COL20A1: variants seen among roughly 807,000 people sequenced by gnomAD.
COL20A1 encodes the protein collagen alpha-1(XX) chain.
A neutral mutation model predicts 152.9 loss-of-function variants in COL20A1; 164 were observed. The ratio of observed to expected loss-of-function variants is 1.07; its 90% confidence interval spans 0.94 to 1.22. The LOEUF (loss-of-function observed/expected upper bound fraction) is 1.22. Ranked by LOEUF, COL20A1 falls within the 50% of genes most tolerant of loss-of-function variation. COL20A1 has a pLI of 0.00. For synonymous variants in COL20A1, 864 were observed against 756.0 expected, an observed-to-expected ratio of 1.14 and a Z score of -2.34; for missense variants, 1,873 against 1,744.8, an observed-to-expected ratio of 1.07 and a Z score of -1.31.
chr20:63,298,045 C>T (rs2067821427), intron 3 of COL20A1, 25 bp downstream of exon 3: 3 of 1,534,384 alleles, frequency 2.0e-6, no homozygotes, highest in South Asian at 1.1e-5. Context: ...CTCCCAGGCC[C>T]CCTTCCCCAT....
intron 6 of COL20A1, 119 bp from the exon 7 acceptor site, chr20:63,307,852 C>A: frequency 7.6e-7 from 1 of 1,312,792 alleles, no homozygotes; most frequent in Non-Finnish European, 1.1e-6. Flanking sequence ...TGGGGACTGG[C>A]TACTGTGGCC....
rs753653751 is a variant in COL20A1, at chr20:63,295,174, A to G, written c.67A>G (p.Arg23Gly). Residue 23 changes from arginine to glycine, a missense_variant, in exon 2 of 36, where the codon AGA becomes GGA. Physicochemically the swap from Arg to Gly is moderately radical, Grantham distance 125. Coordinates refer to ENST00000358894, the MANE Select transcript of COL20A1 (RefSeq NM_020882.4). Reference protein sequence around the residue: ...LWLWLGATLGREQVQASGLLR... With the variant: ...LWLWLGATLGGEQVQASGLLR... ...GCTGTGGCTGGGCGCCACCCTGGGA[A>G]GAGAGCAAGTTCAAGGTAAGGACAC... is the stretch of plus-strand genomic sequence containing the variant. 3 of 1,554,240 alleles carry G rather than the reference A, an allele frequency of 1.9e-6. No homozygotes were observed. Among genetic ancestry groups the G allele is most frequent in the Admixed American group, 1.9e-5 (1 of 51,554 alleles).
chr20:63,309,592 G>T (rs2067977143), intron 9 of COL20A1, 95 bp downstream of exon 9: 2 of 1,317,212 alleles, frequency 1.5e-6, no homozygotes, highest in African/African-American at 1.5e-5. Context: ...GGTACCTGAG[G>T]CCGGCTCCTG....
rs1308167422 is a variant in COL20A1 at position 63,312,943 on chromosome 20, G to C, written c.2076+9G>C. The C allele has an allele frequency of 3.9e-6, 6 of 1,542,682 alleles. No homozygotes were observed. The African/African-American group carries it at 4.1e-5, about 11-fold the overall frequency. ...AGGGGAAGGCTCACGAGGTGGGCAG[G>C]GGTGGGTTTGTCCTTCCGAGGGGCC... On this transcript the variant is annotated intron_variant, in intron 16 of 35. Transcript: ENST00000358894.
intron 35 of COL20A1, 144 bp downstream of exon 35, chr20:63,329,805 C>A (rs1322356184): frequency 2.1e-5 from 13 of 623,894 alleles, no homozygotes; most frequent in Non-Finnish European, 3.6e-5. Flanking sequence ...GGCGAGGTGG[C>A]CCTGGGGAAA....
At position 63,316,558 on chromosome 20, in the gene COL20A1, G is replaced by A; in HGVS notation, c.2530G>A (p.Asp844Asn). ...TCCCCCACCATCTTCCCCAGGGTTT[G>A]ACCTGATGGTGGCCTTCAGCCTGGT... The part of the protein sequence containing the change: ...LRPDGSLPGF[D>N]LMVAFSLVEK... The change falls in exon 21 of 36, where the codon GAC (aspartate) becomes AAC (asparagine). Residue 844 changes from aspartate to asparagine, a missense_variant. Coordinates refer to ENST00000358894, the MANE Select transcript of COL20A1 (RefSeq NM_020882.4). 1 of 1,590,416 alleles carries A rather than the reference G, an allele frequency of 6.3e-7. No homozygotes were observed.
chr20:63,297,809 G>A (rs2067817348), intron 2 of COL20A1, 101 bp from the exon 3 acceptor site: 2 of 887,282 alleles, frequency 2.3e-6, no homozygotes, highest in African/African-American at 3.3e-5. Flanking sequence ...ATAGGACTGT[G>A]TTCCTCCCAA....
Position 63,310,509 on chromosome 20 carries a change from A to C in COL20A1, c.1392A>C (p.Thr464=). 6.3e-7 allele frequency: 1 copy of C among 1,593,200 alleles called. No individual in the cohort carries two copies. Among genetic ancestry groups the C allele is most frequent in the Non-Finnish European group, 8.5e-7 (1 of 1,170,394 alleles). Reference sequence around the variant, plus strand: ...AAGGCCTGCGGGGCCTGGTGACCACAGGTAGGTGGGGCAGAGGCAGCGGCC... The same window carrying C: ...AAGGCCTGCGGGGCCTGGTGACCACCGGTAGGTGGGGCAGAGGCAGCGGCC... ...VGEGLRGLVT[T]APLPPPRALT... is the part of the protein sequence containing the mutation. The change falls in exon 11 of 36, where the codon ACA becomes ACC. Residue 464 remains threonine (T), a splice_region_variant and synonymous_variant. Transcript: ENST00000358894.
In COL20A1 at chr20:63,309,434, G is replaced by A; in HGVS notation, c.1042G>A (p.Ala348Thr). Residue 348 changes from alanine to threonine, a missense_variant, in exon 9 of 36, where the codon GCT becomes ACT. By Grantham distance (58) the Ala-to-Thr change is moderately conservative. Transcript: ENST00000358894. ...GGACTTCCTGCAGCTCGGCGCGCTG[G>A]CTGGCCTGCTCAGCCGTCTCATCTG... ...VLDFLQLGAL[A>T]GLLSRLICQR... The A allele has an allele frequency of 6.5e-7, 1 of 1,545,426 alleles. No homozygotes were observed. The highest frequency in any genetic ancestry group is 8.7e-7 in the Non-Finnish European group (1 of 1,143,410).
At position 63,328,515 on chromosome 20, in the gene COL20A1, T is replaced by G; in HGVS notation, c.3781+17T>G. On this transcript the variant is annotated intron_variant, in intron 34 of 35. Coordinates refer to ENST00000358894, the MANE Select transcript of COL20A1 (RefSeq NM_020882.4). ...AGGGCAGAGGTACTGGGCTCCTGGC[T>G]CTTGGGGAGGGAGTTGTGGCCGGTG... 1 of 1,596,326 alleles carries G rather than the reference T, an allele frequency of 6.3e-7. No homozygotes were observed. Among genetic ancestry groups the G allele is most frequent in the Non-Finnish European group, 8.5e-7 (1 of 1,170,416 alleles).
rs780856429 is a variant in COL20A1, at chr20:63,309,484, G to C, written c.1092G>C (p.Pro364=). The C allele has an allele frequency of 6.6e-7, 1 of 1,522,008 alleles. No homozygotes were observed. The highest frequency in any genetic ancestry group is 2.1e-5 in the Admixed American group (1 of 47,816). The allele number at this position is 1,522,008 out of a possible 1,614,324, so 94.3% of individuals were successfully genotyped here. Residue 364 remains proline, a synonymous_variant, in exon 9 of 36, where the codon CCG becomes CCC. Transcript: ENST00000358894. ...LICQRLQGGS[P]RQGPAAAPAL... ...GCCAGAGGCTCCAGGGTGGGAGCCC[G>C]CGGCAGGGCCCAGGTGAGGGGCAGG... is the stretch of plus-strand genomic sequence containing the variant.
Position 63,332,784 on chromosome 20 carries a change from A to G in COL20A1, c.*2068A>G, listed in dbSNP as rs969377803. 6.6e-6 allele frequency: 1 copy of G among 152,298 alleles called. No homozygotes were observed. Among genetic ancestry groups the G allele is most frequent in the African/African-American group, 2.4e-5 (1 of 41,458 alleles). 9.4% of individuals were successfully genotyped at this position (152,298 alleles called of 1,614,324 possible). A position where few individuals can be genotyped will look rare whatever the true frequency, so the allele number is the denominator to read the frequency against. On this transcript the variant is annotated 3_prime_UTR_variant, in exon 36 of 36. Coordinates refer to ENST00000358894, the MANE Select transcript of COL20A1 (RefSeq NM_020882.4). ...TGGAGGCCAATTAAAATGGCACAGC[A>G]AAGGCAGCGGCCAGCTGGTGCCCAG...
At chr20:63,308,881 G>GT (rs2067966377) in intron 8 of COL20A1, among the ~76,000 whole-genome samples, 175 bp downstream of exon 8, 1 of 152,186 alleles carries the variant, frequency 6.6e-6, no homozygotes. Flanking sequence ...GGCACAGGCG[G>GT]GCTGCTCCTT....
At chr20:63,308,729 G>A (rs370864657) in intron 8 of COL20A1, 23 bp downstream of exon 8, 260 of 1,556,728 alleles carry the variant, frequency 1.7e-4, no homozygotes, top group Middle Eastern at 5.1e-4. Context: ...CGGCTCCCCC[G>A]GCCCTGGAGT....
At chr20:63,310,059 G>A in intron 10 of COL20A1, 144 bp downstream of exon 10, 3 of 838,454 alleles carry the variant, frequency 3.6e-6, no homozygotes, top group Non-Finnish European at 5.4e-6. Context: ...ACAGCCCAGG[G>A]ACTCACTGGG....
chr20:63,300,359 G>A (rs2067849649), intron 3 of COL20A1, among the ~76,000 whole-genome samples: 1 of 152,242 alleles, frequency 6.6e-6, no homozygotes, highest in Non-Finnish European at 1.5e-5. Flanking sequence ...GTGTATGTGT[G>A]TAAATACTTC....
rs1440298867 is a variant in COL20A1 at position 63,305,341 on chromosome 20, G to A, written c.194-76G>A. 1.6e-6 allele frequency: 2 copies of A among 1,258,670 alleles called. No individual in the cohort carries two copies. Among genetic ancestry groups the A allele is most frequent in the Non-Finnish European group, 2.1e-6 (2 of 968,142 alleles). The allele number at this position is 1,258,670 out of a possible 1,614,324, so 78.0% of individuals were successfully genotyped here. The stretch of plus-strand genomic sequence containing the variant: ...CTGGGGTGGGGAGGAGGAGCCAAGA[G>A]GGTTTCACTCCCCGCCGTGACAGAT... On this transcript the variant is annotated intron_variant, in intron 3 of 35. Transcript: ENST00000358894. The surrounding 1 kb of genome is among the most constrained non-coding windows in gnomAD (Gnocchi z 4.9).
At chr20:63,323,327 C>T (rs1290379013) in intron 27 of COL20A1, among the ~76,000 whole-genome samples, 2 of 152,214 alleles carry the variant, frequency 1.3e-5, no homozygotes. Context: ...TTGCGACGTG[C>T]GTTTCCATAC....
Position 63,328,490 on chromosome 20 carries a change from A to C in COL20A1, c.3773A>C (p.Glu1258Ala). 2 of 1,610,838 alleles carry C rather than the reference A, an allele frequency of 1.2e-6. No individual in the cohort carries two copies. Among genetic ancestry groups the C allele is most frequent in the Non-Finnish European group, 1.7e-6 (2 of 1,178,740 alleles). The change falls in exon 34 of 36, where the codon GAG becomes GCG. Residue 1258 changes from glutamate to alanine, a missense_variant. Physicochemically the swap from Glu to Ala is moderately radical, Grantham distance 107 (BLOSUM62 -1). Transcript: ENST00000358894. ...GEWGRGGRHL[E>A]GRGEPGAVGQ... The stretch of plus-strand genomic sequence containing the variant: ...TGGGGGCGTGGTGGCCGCCACCTTG[A>C]GGGCAGAGGTACTGGGCTCCTGGCT...
Sources: allele counts gnomAD v4.1 joint callset (sites outside exome capture counted in the v4.1 genomes callset), GRCh38; gene constraint gnomAD v4.1.1; non-coding constraint Gnocchi (gnomAD v3.1); transcripts MANE v1.5; gene names NCBI Gene and HGNC (gene_info 2026-07-23, HGNC 2026-07-21).